TMEM132B: variants seen among roughly 807,000 people sequenced by gnomAD.
The protein encoded by TMEM132B is transmembrane protein 132B.
Under a neutral mutation model 90.8 loss-of-function variants are expected in TMEM132B, and 18 were observed. The observed-to-expected ratio is 0.20, with a 90% CI of 0.14 to 0.29. The LOEUF (loss-of-function observed/expected upper bound fraction) is 0.29. TMEM132B is among the 10% of genes least tolerant of loss of function. The pLI, the probability that TMEM132B is intolerant of heterozygous loss-of-function variation, is 1.00. For synonymous variants in TMEM132B, 504 were observed against 523.3 expected (o/e 0.96, Z 0.50); for missense variants, 1,096 against 1,326.8 (o/e 0.83, Z 2.70).
At chr12:125,589,019 C>T (rs555969723) in intron 5 of TMEM132B, among the ~76,000 whole-genome samples, 1 of 152,138 alleles carries the variant, frequency 6.6e-6, no homozygotes, top group South Asian at 2.1e-4. Context: ...ACCTATTCAC[C>T]TGCATATTTA....
chr12:125,511,680 G>A (rs1882981391), intron 3 of TMEM132B, among the ~76,000 whole-genome samples: 1 of 151,798 alleles, frequency 6.6e-6, no homozygotes, highest in South Asian at 2.1e-4. Flanking sequence ...GTGAAACCCC[G>A]TCTCTACTAA....
chr12:125,436,285 A>G (rs1293694748), intron 3 of TMEM132B, among the ~76,000 whole-genome samples: 1 of 152,172 alleles, frequency 6.6e-6, no homozygotes, highest in African/African-American at 2.4e-5. Flanking sequence ...TGAGTGTGGA[A>G]GCTACAAGCC....
rs1015888606 is a variant in TMEM132B, at chr12:125,251,137, G to A, written c.67+64271G>A. The stretch of plus-strand genomic sequence containing the variant: ...CAGTAGGACATCATCCTTCAATAGG[G>A]CAGAGGTGTCTTCCTGGGCTGGCCT... On this transcript the variant is annotated intron_variant, in intron 1 of 8. Transcript: ENST00000682704. The surrounding 1 kb of genome is among the most constrained non-coding windows in gnomAD (Gnocchi z 4.4). Among the ~76,000 whole-genome samples, 6 of 152,170 alleles carry A rather than the reference G, an allele frequency of 3.9e-5. No homozygotes were observed. The highest frequency in any genetic ancestry group is 7.4e-5 in the Non-Finnish European group (5 of 68,022).
At position 125,527,475 on chromosome 12, in the gene TMEM132B, C is replaced by T. The variant is rs541745309; in HGVS notation, c.1293+7850C>T. 5.4e-5 allele frequency among the ~76,000 whole-genome samples: 8 copies of T among 148,448 alleles called. No homozygotes were observed. The East Asian group carries it at 1.4e-3, about 27-fold the overall frequency. On this transcript the variant is annotated intron_variant, in intron 4 of 8. Coordinates refer to ENST00000682704, the MANE Select transcript of TMEM132B (RefSeq NM_001366854.1). Reference sequence around the variant, plus strand: ...ATCCACCCATCCACCCTTCCATCCACCCATCCACCCTTCCAACCACCCATC... The same window carrying T: ...ATCCACCCATCCACCCTTCCATCCATCCATCCACCCTTCCAACCACCCATC...
intron 1 of TMEM132B, among the ~76,000 whole-genome samples, chr12:125,336,784 C>G (rs748549): frequency 0.55 from 83,054 of 152,076 alleles, 24,441 homozygotes; most frequent in African/African-American, 0.75. Context: ...TACATAAATC[C>G]AACTGATGGC....
At position 125,277,520 on chromosome 12, in the gene TMEM132B, C is replaced by CACAG. The variant is rs1020391597; in HGVS notation, c.68-71929_68-71928insGACA. Reference sequence around the variant, plus strand: ...GAGGGAGAACACACACACACACACACACACACACATACACACACACACGGG... The same window carrying CACAG: ...GAGGGAGAACACACACACACACACACACAGACACACACATACACACACACACGGG... On this transcript the variant is annotated intron_variant, in intron 1 of 8. Transcript: ENST00000682704. The surrounding 1 kb of genome is among the most constrained non-coding windows in gnomAD (Gnocchi z 4.3). 6.6e-6 allele frequency among the ~76,000 whole-genome samples: 1 copy of CACAG among 151,252 alleles called. No individual in the cohort carries two copies. The highest frequency in any genetic ancestry group is 2.4e-5 in the African/African-American group (1 of 41,038).
intron 4 of TMEM132B, among the ~76,000 whole-genome samples, chr12:125,559,201 A>G (rs950118079): frequency 4.6e-5 from 7 of 152,128 alleles, no homozygotes; most frequent in Non-Finnish European, 7.3e-5. Flanking sequence ...CCCTCTCTCT[A>G]CAAAAAATTA....
chr12:125,405,263 A>C (rs142370116), intron 2 of TMEM132B, among the ~76,000 whole-genome samples: 16 of 152,320 alleles, frequency 1.1e-4, no homozygotes, highest in African/African-American at 3.8e-4. Flanking sequence ...CCATAGAAGC[A>C]TAACTCCAGC....
chr12:125,311,371 A>G (rs534003111), intron 1 of TMEM132B, among the ~76,000 whole-genome samples: 1 of 152,350 alleles, frequency 6.6e-6, no homozygotes, highest in South Asian at 2.1e-4. Context: ...AACAGACATG[A>G]AAGTCATACT....
At chr12:125,600,893 G>A (rs1414309514) in intron 5 of TMEM132B, among the ~76,000 whole-genome samples, 1 of 152,056 alleles carries the variant, frequency 6.6e-6, no homozygotes, top group South Asian at 2.1e-4. Flanking sequence ...CATGGTAAAG[G>A]GATCAATTCG....
chr12:125,626,281 C>T (rs1432521815), intron 5 of TMEM132B, among the ~76,000 whole-genome samples: 1 of 152,028 alleles, frequency 6.6e-6, no homozygotes, highest in Non-Finnish European at 1.5e-5. Flanking sequence ...TGTTTCCATT[C>T]ATCTGTTGAT....
chr12:125,295,431 G>A (rs1172813956), intron 1 of TMEM132B, among the ~76,000 whole-genome samples: 3 of 151,576 alleles, frequency 2.0e-5, no homozygotes, highest in South Asian at 4.2e-4. Flanking sequence ...AACACTGTAT[G>A]TGGTGGCTTA....
intron 3 of TMEM132B, among the ~76,000 whole-genome samples, chr12:125,487,897 A>G (rs1197458458): frequency 6.6e-6 from 1 of 152,082 alleles, no homozygotes; most frequent in African/African-American, 2.4e-5. Flanking sequence ...TCATATCTTT[A>G]ATATATATCA....
chr12:125,552,989 A>T (rs114395941), intron 4 of TMEM132B, among the ~76,000 whole-genome samples: 5,050 of 152,352 alleles, frequency 0.033, 262 homozygotes, highest in African/African-American at 0.1. Flanking sequence ...AAGGTTGTGC[A>T]GGTTGCACAC....
intron 5 of TMEM132B, among the ~76,000 whole-genome samples, chr12:125,607,068 G>A (rs1885713995): frequency 6.6e-6 from 1 of 152,158 alleles, no homozygotes; most frequent in Admixed American, 6.5e-5. Context: ...CTAGTCTCTT[G>A]CAGGGTGAGC....
At chr12:125,595,211 A>G (rs1885412801) in intron 5 of TMEM132B, among the ~76,000 whole-genome samples, 2 of 151,870 alleles carry the variant, frequency 1.3e-5, no homozygotes, top group Non-Finnish European at 2.9e-5. Flanking sequence ...AGGGGGAGGG[A>G]CCTATTGCTC....
chr12:125,421,996 T>C (rs1263921825), intron 3 of TMEM132B, among the ~76,000 whole-genome samples: 1 of 152,240 alleles, frequency 6.6e-6, no homozygotes, highest in African/African-American at 2.4e-5. Context: ...TTTCCTTCTA[T>C]AAAATATTTT....
chr12:125,602,895 C>T (rs975888933), intron 5 of TMEM132B, among the ~76,000 whole-genome samples: 2 of 152,090 alleles, frequency 1.3e-5, no homozygotes, highest in African/African-American at 4.8e-5. Context: ...CATAGGAATA[C>T]AGCTGAAAAG....
chr12:125,447,259 T>C (rs564320428), intron 3 of TMEM132B, among the ~76,000 whole-genome samples: 1 of 152,006 alleles, frequency 6.6e-6, no homozygotes, highest in East Asian at 1.9e-4. Context: ...TGTTTACTCC[T>C]ATTCTATTCT....
Sources: gnomAD v4.1 joint callset for allele counts (sites outside exome capture counted in the v4.1 genomes callset) on GRCh38, gnomAD v4.1.1 for gene constraint, Gnocchi (gnomAD v3.1) non-coding constraint, MANE v1.5 for transcripts, NCBI Gene and HGNC (gene_info 2026-07-23, HGNC 2026-07-21) for gene names.